Variants in GSTO2 observed in about 807,000 individuals in gnomAD.
The protein encoded by GSTO2 is glutathione S-transferase omega 2.
A neutral mutation model predicts 28.4 loss-of-function variants in GSTO2; 23 were observed. The ratio of observed to expected loss-of-function variants is 0.81; its 90% confidence interval spans 0.58 to 1.15. GSTO2 has a LOEUF of 1.15. GSTO2 is among the 50% of genes most tolerant of loss of function. The pLI is 0.00. For missense variants in GSTO2, 298 were observed against 297.8 expected (o/e 1.00, Z 0.00); for synonymous variants, 109 against 111.0 (o/e 0.98, Z 0.11).
chr10:104,278,730 C>T (rs1267807822), intron 4 of GSTO2, among the ~76,000 whole-genome samples: 2 of 152,204 alleles, frequency 1.3e-5, no homozygotes, highest in Non-Finnish European at 2.9e-5. Flanking sequence ...ATCTGCCTGC[C>T]TCGGCCTCCC....
rs74154783 is a variant in GSTO2 at position 104,286,714 on chromosome 10, A to C, written c.468+7243A>C. Among the ~76,000 whole-genome samples the C allele has an allele frequency of 6.8e-3, 1,032 of 152,226 alleles. 14 individuals carry two copies. The highest frequency in any genetic ancestry group is 0.023 in the African/African-American group (973 of 41,540). On this transcript the variant is annotated intron_variant, in intron 5 of 6. Transcript: ENST00000338595. Reference sequence around the variant, plus strand: ...TGCTAGTTGGGTTACTTCCTTCATCATCCAATTCTGACAGCTGCTAATATT... The same window carrying C: ...TGCTAGTTGGGTTACTTCCTTCATCCTCCAATTCTGACAGCTGCTAATATT...
intron 1 of GSTO2, among the ~76,000 whole-genome samples, chr10:104,270,858 A>G (rs2011368121): frequency 6.6e-6 from 1 of 152,262 alleles, no homozygotes; most frequent in Non-Finnish European, 1.5e-5. Context: ...AAATGCATGT[A>G]AATAGAGTGT....
At chr10:104,279,205 C>T (rs996751400) in intron 4 of GSTO2, among the ~76,000 whole-genome samples, 165 bp from the exon 5 acceptor site, 3 of 152,146 alleles carry the variant, frequency 2.0e-5, no homozygotes, top group Admixed American at 6.5e-5. Flanking sequence ...TACTGAGAAC[C>T]GGAACCACAG....
Position 104,287,598 on chromosome 10 carries a change from TATGATCCCATTTTAGCAG to T in GSTO2, c.468+8129_468+8146del. Among the ~76,000 whole-genome samples the T allele has an allele frequency of 2.0e-5, 3 of 152,276 alleles. No homozygotes were observed. The South Asian group carries it at 6.2e-4, about 32-fold the overall frequency. The stretch of plus-strand genomic sequence containing the variant: ...ATGAATCACACAGTAATACAGGTGG[TATGATCCCATTTTAGCAG>T]AAGAAAACAAAACTGAACCATGCAG... On this transcript the variant is annotated intron_variant, in intron 5 of 6. Transcript: ENST00000338595.
At chr10:104,282,239 A>AG (rs200854623) in intron 5 of GSTO2, among the ~76,000 whole-genome samples, 7,412 of 147,962 alleles carry the variant, frequency 0.05, 734 homozygotes, top group African/African-American at 0.18. Flanking sequence ...AAAAAAAAAA[A>AG]AAAAGAAAAG....
At chr10:104,283,107 G>A (rs1045835837) in intron 5 of GSTO2, among the ~76,000 whole-genome samples, 2 of 152,162 alleles carry the variant, frequency 1.3e-5, no homozygotes, top group African/African-American at 4.8e-5. Context: ...TCAAGAGCTG[G>A]CAAAAGATGT....
At chr10:104,291,412 T>G (rs2012758439) in intron 5 of GSTO2, 1 of 152,228 alleles carries the variant, frequency 6.6e-6, no homozygotes, top group African/African-American at 2.4e-5. Context: ...AGACTGGAGC[T>G]CTCTCGAATG....
intron 5 of GSTO2, among the ~76,000 whole-genome samples, chr10:104,287,141 C>T (rs968451600): frequency 1.3e-5 from 2 of 152,148 alleles, no homozygotes; most frequent in Admixed American, 6.5e-5. Context: ...CAACCTTGAA[C>T]TCCTGAGCTC....
intron 5 of GSTO2, among the ~76,000 whole-genome samples, chr10:104,290,180 CT>C (rs2012690558): frequency 6.6e-6 from 1 of 152,080 alleles, no homozygotes; most frequent in Admixed American, 6.6e-5. Flanking sequence ...TGAAAGCAAC[CT>C]AAGTGTGCAC....
chr10:104,278,141 C>T (rs2011760441), intron 4 of GSTO2, 25 bp downstream of exon 4: 3 of 1,552,750 alleles, frequency 1.9e-6, no homozygotes, highest in Non-Finnish European at 1.8e-6. Flanking sequence ...AAAAGTCACT[C>T]ACACTGTATT....
In GSTO2 at chr10:104,303,199, T is replaced by TG. The variant is rs1322561267; in HGVS notation, c.*3916dup. Reference sequence around the variant, plus strand: ...TAGCTCCCACTTATAAGTGAGAACATGCAGTTTTTGTAAACCTGTTTTCTT... The same window carrying TG: ...TAGCTCCCACTTATAAGTGAGAACATGGCAGTTTTTGTAAACCTGTTTTCTT... On this transcript the variant is annotated 3_prime_UTR_variant, in exon 7 of 7. Coordinates refer to ENST00000338595, the MANE Select transcript of GSTO2 (RefSeq NM_183239.2). 1.3e-5 allele frequency: 2 copies of TG among 152,208 alleles called. No homozygotes were observed. The highest frequency in any genetic ancestry group is 2.9e-5 in the Non-Finnish European group (2 of 68,018). 9.4% of individuals were successfully genotyped at this position (152,208 alleles called of 1,614,324 possible).
In GSTO2 at chr10:104,275,283, TC is replaced by T; in HGVS notation, c.93del (p.Cys32AlafsTer25). On this transcript the variant is annotated frameshift_variant, in exon 3 of 7. Coordinates refer to ENST00000338595, the MANE Select transcript of GSTO2 (RefSeq NM_183239.2). LOFTEE classifies it high-confidence loss of function. Reference protein sequence around the residue: ...EGLIRIYSMRFCPYSHRTRLV... With the variant: ...EGLIRIYSMRXCPYSHRTRLV... ...CTGATCCGCATCTACAGCATGAGGT[TC>T]TGCCCCTATTCTCACAGGACCCGCC... The T allele has an allele frequency of 1.2e-6, 2 of 1,614,078 alleles. No individual in the cohort carries two copies. Among genetic ancestry groups the T allele is most frequent in the South Asian group, 1.1e-5 (1 of 91,076 alleles).
At chr10:104,277,616 G>A (rs2011711316) in intron 3 of GSTO2, among the ~76,000 whole-genome samples, 1 of 152,084 alleles carries the variant, frequency 6.6e-6, no homozygotes, top group Non-Finnish European at 1.5e-5. Flanking sequence ...GGTGGTATTG[G>A]GTGTGAGATT....
At chr10:104,270,739 T>G (rs1302517866) in intron 1 of GSTO2, among the ~76,000 whole-genome samples, 1 of 150,460 alleles carries the variant, frequency 6.6e-6, no homozygotes, top group Non-Finnish European at 1.5e-5. Flanking sequence ...GGCTTCTAAC[T>G]TATTAAGAGG....
chr10:104,289,507 A>T (rs1368949834), intron 5 of GSTO2, among the ~76,000 whole-genome samples: 2 of 152,178 alleles, frequency 1.3e-5, no homozygotes, highest in African/African-American at 2.4e-5. Context: ...CTGCACCTTC[A>T]TGGAGAATCT....
At position 104,274,657 on chromosome 10, in the gene GSTO2, T is replaced by C. The variant is rs1035888186; in HGVS notation, c.-231-28T>C. 7.4e-5 allele frequency: 42 copies of C among 566,520 alleles called. No individual in the cohort carries two copies. In the Middle Eastern group the frequency reaches 1.4e-3, roughly 19 times the overall value. The allele number at this position is 566,520 out of a possible 1,614,324, so 35.1% of individuals were successfully genotyped here. A position where few individuals can be genotyped will look rare whatever the true frequency, so the allele number is the denominator to read the frequency against. On this transcript the variant is annotated intron_variant, in intron 1 of 6. Coordinates refer to ENST00000338595, the MANE Select transcript of GSTO2 (RefSeq NM_183239.2). ...GAGCAAGGGGGAGCTTTTCTGGTGT[T>C]ATTTTGTCTTGTTTTGTTTTTTGCC...
At chr10:104,298,909 T>G (rs2013164432) in intron 6 of GSTO2, among the ~76,000 whole-genome samples, 1 of 152,136 alleles carries the variant, frequency 6.6e-6, no homozygotes, top group African/African-American at 2.4e-5. Flanking sequence ...TCCAAAGTAT[T>G]TCACTGTATT....
intron 1 of GSTO2, among the ~76,000 whole-genome samples, chr10:104,269,854 C>T (rs2011301214): frequency 6.6e-6 from 1 of 152,150 alleles, no homozygotes; most frequent in Non-Finnish European, 1.5e-5. Context: ...TAAGAACACC[C>T]GAAAGTTGTT....
intron 5 of GSTO2, among the ~76,000 whole-genome samples, chr10:104,294,601 A>C (rs1333469450): frequency 6.6e-6 from 1 of 152,190 alleles, no homozygotes; most frequent in East Asian, 1.9e-4. Context: ...TGTATTAGGA[A>C]ATGCAAGTAG....
Sources: gnomAD v4.1 joint callset for allele counts (sites outside exome capture counted in the v4.1 genomes callset) on GRCh38, gnomAD v4.1.1 for gene constraint, MANE v1.5 for transcripts, NCBI Gene and HGNC (gene_info 2026-07-23, HGNC 2026-07-21) for gene names.